UGGT2: variants seen among roughly 807,000 people sequenced by gnomAD.
UGGT2 encodes UDP-glucose glycoprotein glucosyltransferase 2.
A neutral mutation model predicts 192.1 loss-of-function variants in UGGT2; 180 were observed. That is an observed-to-expected ratio of 0.94 (90% CI 0.83 to 1.06). The LOEUF (loss-of-function observed/expected upper bound fraction) is 1.06, where lower values mean the gene tolerates loss of function less well. UGGT2 is among the 50% of genes least tolerant of loss of function. The pLI is 0.00. For synonymous variants in UGGT2, 580 were observed against 591.0 expected, an observed-to-expected ratio of 0.98 and a Z score of 0.27; for missense variants, 1,849 against 1,795.7, an observed-to-expected ratio of 1.03 and a Z score of -0.54.
At position 95,927,343 on chromosome 13, in the gene UGGT2, A is replaced by C. The variant is rs766565825; in HGVS notation, c.1978-7T>G. 23 of 1,592,998 alleles carry C rather than the reference A, an allele frequency of 1.4e-5. No individual in the cohort carries two copies. In the Admixed American group the frequency reaches 4.2e-4, roughly 29 times the overall value. ...TGCGATCATTTAATGTGCCCTAAAA[A>C]AACAAAAATGTTATTTAGATAATAC... On this transcript the variant is annotated splice_polypyrimidine_tract_variant and splice_region_variant and intron_variant, in intron 17 of 38. Coordinates refer to ENST00000376747, the MANE Select transcript of UGGT2 (RefSeq NM_020121.4).
At chr13:95,832,533 G>A (rs926096005) in intron 38 of UGGT2, among the ~76,000 whole-genome samples, 11 of 152,086 alleles carry the variant, frequency 7.2e-5, no homozygotes, top group African/African-American at 2.7e-4. Context: ...TAATTTTGGA[G>A]ATAGGAAATG....
At chr13:95,962,235 C>T (rs970783224) in intron 12 of UGGT2, among the ~76,000 whole-genome samples, 6 of 151,702 alleles carry the variant, frequency 4.0e-5, no homozygotes, top group South Asian at 2.1e-4. Flanking sequence ...CAGAGCAGAA[C>T]TAAATGAAAT....
At chr13:95,921,414 A>G (rs1473464722) in intron 20 of UGGT2, among the ~76,000 whole-genome samples, 3 of 151,580 alleles carry the variant, frequency 2.0e-5, no homozygotes, top group Admixed American at 2.0e-4. Flanking sequence ...CAGATAGTGG[A>G]TAGGAAGCAG....
intron 34 of UGGT2, 87 bp downstream of exon 34, chr13:95,856,071 C>A: frequency 9.1e-7 from 1 of 1,094,726 alleles, no homozygotes; most frequent in Non-Finnish European, 1.3e-6. Flanking sequence ...AGATAATAAA[C>A]ATGAGCAACA....
rs151258392 is a variant in UGGT2 at position 95,869,945 on chromosome 13, T to C, written c.3474-2522A>G. ...AAAAAGCACTTATACATGTGTCTCCTGAAATTCTAAAAAACAATTTATATT... is the reference window on the plus strand; with the variant it reads ...AAAAAGCACTTATACATGTGTCTCCCGAAATTCTAAAAAACAATTTATATT... On this transcript the variant is annotated intron_variant, in intron 29 of 38. Coordinates refer to ENST00000376747, the MANE Select transcript of UGGT2 (RefSeq NM_020121.4). Among the ~76,000 whole-genome samples, 70 of 152,318 alleles carry C rather than the reference T, an allele frequency of 4.6e-4. 1 individual carries two copies. Among genetic ancestry groups the C allele is most frequent in the African/African-American group, 1.6e-3 (65 of 41,566 alleles).
intron 30 of UGGT2, among the ~76,000 whole-genome samples, chr13:95,867,112 A>G (rs1200233698): frequency 1.3e-5 from 2 of 152,032 alleles, no homozygotes; most frequent in East Asian, 3.9e-4. Context: ...TAGTAGATAT[A>G]TTTACAGTTA....
intron 1 of UGGT2, among the ~76,000 whole-genome samples, chr13:96,046,914 C>A (rs1159745334): frequency 6.6e-6 from 1 of 152,170 alleles, no homozygotes; most frequent in Admixed American, 6.5e-5. Flanking sequence ...AGCAGTGAGG[C>A]TGGGGGAGGG....
At chr13:95,807,252 C>T (rs1884350011) in intron 38 of UGGT2, among the ~76,000 whole-genome samples, 1 of 152,054 alleles carries the variant, frequency 6.6e-6, no homozygotes, top group Admixed American at 6.6e-5. Context: ...GGTCTTCATC[C>T]TCATTGTCTT....
chr13:95,812,821 C>G (rs141470153), intron 38 of UGGT2, among the ~76,000 whole-genome samples: 66 of 152,212 alleles, frequency 4.3e-4, no homozygotes, highest in African/African-American at 1.5e-3. Context: ...TTCACCTTCG[C>G]TACCAGTAAA....
chr13:95,964,750 T>G (rs538768335), intron 12 of UGGT2, among the ~76,000 whole-genome samples: 2,544 of 152,182 alleles, frequency 0.017, 71 homozygotes, highest in African/African-American at 0.059. Context: ...AAATGGGATC[T>G]AATTAAACTA....
At chr13:95,877,116 T>G in intron 29 of UGGT2, 163 bp downstream of exon 29, 1 of 494,830 alleles carries the variant, frequency 2.0e-6, no homozygotes. Flanking sequence ...ACTCCTGGCC[T>G]TGTGATCTGC....
chr13:96,020,854 A>G (rs1189660912), intron 4 of UGGT2, among the ~76,000 whole-genome samples: 2 of 152,208 alleles, frequency 1.3e-5, no homozygotes, highest in Non-Finnish European at 2.9e-5. Flanking sequence ...TTACAAACTA[A>G]TAAGTTAGCC....
intron 16 of UGGT2, among the ~76,000 whole-genome samples, chr13:95,938,266 C>T (rs985171114): frequency 5.3e-5 from 8 of 152,108 alleles, no homozygotes; most frequent in Non-Finnish European, 8.8e-5. Context: ...CTGTCAGATA[C>T]GGAGTTAGAG....
intron 30 of UGGT2, among the ~76,000 whole-genome samples, chr13:95,866,331 T>C (rs1425977466): frequency 6.6e-6 from 1 of 152,208 alleles, no homozygotes; most frequent in Admixed American, 6.5e-5. Context: ...ATAATTTTAA[T>C]ATCTTGGGTC....
chr13:95,872,766 T>C (rs1329657807), intron 29 of UGGT2, among the ~76,000 whole-genome samples: 1 of 152,214 alleles, frequency 6.6e-6, no homozygotes, highest in African/African-American at 2.4e-5. Flanking sequence ...AGAACATCTT[T>C]ATGAACTGTG....
chr13:95,900,360 C>T (rs944786807), intron 22 of UGGT2, among the ~76,000 whole-genome samples: 4 of 152,006 alleles, frequency 2.6e-5, no homozygotes, highest in African/African-American at 9.7e-5. Flanking sequence ...TTAATAAATA[C>T]TACATGGCAA....
chr13:95,826,430 C>T (rs1886050877), intron 38 of UGGT2, among the ~76,000 whole-genome samples: 2 of 152,058 alleles, frequency 1.3e-5, no homozygotes, highest in Admixed American at 6.6e-5. Context: ...GGAAAACCAT[C>T]TTTATTTGGA....
chr13:96,034,186 A>G (rs1048157499), intron 1 of UGGT2, among the ~76,000 whole-genome samples: 7 of 152,122 alleles, frequency 4.6e-5, no homozygotes, highest in Non-Finnish European at 1.0e-4. Context: ...CCTCTCCCAG[A>G]CATCGGGATG....
intron 2 of UGGT2, among the ~76,000 whole-genome samples, chr13:96,027,994 C>T (rs913598827): frequency 7.2e-5 from 11 of 152,176 alleles, no homozygotes; most frequent in South Asian, 2.1e-4. Context: ...GGTACTCTTC[C>T]TTAGTCTCCA....
Sources: allele counts gnomAD v4.1 joint callset (sites outside exome capture counted in the v4.1 genomes callset), GRCh38; gene constraint gnomAD v4.1.1; transcripts MANE v1.5; gene names NCBI Gene and HGNC (gene_info 2026-07-23, HGNC 2026-07-21).